Variants in USP20 observed in about 807,000 individuals in gnomAD.
USP20 encodes ubiquitin specific peptidase 20.
A neutral mutation model predicts 124.2 loss-of-function variants in USP20; 80 were observed. The ratio of observed to expected loss-of-function variants is 0.64; its 90% CI spans 0.54 to 0.78. USP20 has a LOEUF of 0.78. USP20 is among the 30% of genes least tolerant of loss of function. USP20 has a pLI of 0.00. For missense variants in USP20, 1,043 were observed against 1,244.4 expected (o/e 0.84, Z 2.44); for synonymous variants, 481 against 512.3 (o/e 0.94, Z 0.83).
rs371883755 is a variant in USP20, at chr9:129,869,357, C to T, written c.1324C>T (p.Arg442Cys). Residue 442 changes from arginine to cysteine, a missense_variant, in exon 13 of 26, where the codon CGC (arginine) becomes TGC (cysteine). By Grantham distance (180) the Arg-to-Cys change is radical (BLOSUM62 -3). Coordinates refer to ENST00000372429, the MANE Select transcript of USP20 (RefSeq NM_001110303.4). The stretch of plus-strand genomic sequence containing the variant: ...CCGGAGGCGGAAGGAGCAGCGCTAC[C>T]GCAGCGTCATCTCAGACATCTTTGA... ...GSRRRKEQRYRSVISDIFDGS... is the reference protein window; with the variant it reads ...GSRRRKEQRYCSVISDIFDGS... The T allele has an allele frequency of 1.2e-5, 20 of 1,613,750 alleles. No homozygotes were observed. The highest frequency in any genetic ancestry group is 2.7e-5 in the African/African-American group (2 of 75,068).
At chr9:129,865,261 C>T (rs1211227289) in intron 9 of USP20, 42 bp from the exon 10 acceptor site, 1 of 1,606,570 alleles carries the variant, frequency 6.2e-7, no homozygotes, top group East Asian at 2.2e-5. Flanking sequence ...ATGAGCAGCT[C>T]AAGGCAGGCT....
chr9:129,866,713 C>A (rs150188236), intron 10 of USP20, among the ~76,000 whole-genome samples: 126 of 152,304 alleles, frequency 8.3e-4, no homozygotes, highest in African/African-American at 2.9e-3. Context: ...ACTGTAGACG[C>A]AGCTGCGGGC....
chr9:129,866,621 C>T (rs932052025), intron 10 of USP20, among the ~76,000 whole-genome samples: 17 of 152,216 alleles, frequency 1.1e-4, no homozygotes, highest in East Asian at 1.9e-4. Flanking sequence ...CCATGCGCTG[C>T]GGCAGGACTC....
At chr9:129,852,331 C>T (rs984178922) in intron 2 of USP20, among the ~76,000 whole-genome samples, 25 of 152,140 alleles carry the variant, frequency 1.6e-4, no homozygotes, top group Non-Finnish European at 2.4e-4. Context: ...ACATTGTCTC[C>T]GTGACCTAGG....
At chr9:129,867,830 A>G (rs912449570) in intron 10 of USP20, among the ~76,000 whole-genome samples, 175 bp from the exon 11 acceptor site, 1 of 152,096 alleles carries the variant, frequency 6.6e-6, no homozygotes, top group African/African-American at 2.4e-5. Flanking sequence ...CCTCAGAAGA[A>G]TGGGGTTAGG....
At chr9:129,867,108 C>G (rs1019931923) in intron 10 of USP20, among the ~76,000 whole-genome samples, 2 of 152,170 alleles carry the variant, frequency 1.3e-5, no homozygotes, top group Non-Finnish European at 2.9e-5. Context: ...CTTCTAACAA[C>G]CAGGTCAGGG....
chr9:129,864,273 G>A (rs1472067206), intron 9 of USP20, among the ~76,000 whole-genome samples: 1 of 150,326 alleles, frequency 6.7e-6, no homozygotes, highest in African/African-American at 2.5e-5. Flanking sequence ...GTTTGAGACC[G>A]GCCTGGACAA....
intron 1 of USP20, among the ~76,000 whole-genome samples, chr9:129,841,014 G>A (rs1005386913): frequency 2.0e-5 from 3 of 152,054 alleles, no homozygotes; most frequent in South Asian, 4.1e-4. Flanking sequence ...CTGGTGATCC[G>A]CCAGCCTCAA....
At position 129,858,568 on chromosome 9, in the gene USP20, G is replaced by T. The variant is rs201578380; in HGVS notation, c.300G>T (p.Leu100=). 2.2e-4 allele frequency: 358 copies of T among 1,614,004 alleles called. No individual in the cohort carries two copies. The highest frequency in any genetic ancestry group is 2.5e-4 in the Non-Finnish European group (296 of 1,180,016). The change falls in exon 6 of 26, where the codon CTG becomes CTT. Residue 100 remains leucine, a synonymous_variant. Coordinates refer to ENST00000372429, the MANE Select transcript of USP20 (RefSeq NM_001110303.4). The part of the protein sequence containing the change: ...VFLEQRLAAP[L]LGSSSKFSEQ... Reference sequence around the variant, plus strand: ...TGGAGCAGCGGCTGGCAGCCCCTCTGCTGGGCTCCTCTTCCAAGTTCTCTG... The same window carrying T: ...TGGAGCAGCGGCTGGCAGCCCCTCTTCTGGGCTCCTCTTCCAAGTTCTCTG...
chr9:129,876,954 G>T (rs1255418007), intron 22 of USP20, among the ~76,000 whole-genome samples: 1 of 152,224 alleles, frequency 6.6e-6, no homozygotes, highest in East Asian at 1.9e-4. Context: ...GTCCCCTGGG[G>T]TGCAGAGTAC....
chr9:129,878,255 CG>C, intron 22 of USP20, 82 bp from the exon 23 acceptor site: 1 of 1,097,704 alleles, frequency 9.1e-7, no homozygotes. Flanking sequence ...GGGACTGGGG[CG>C]GGGGCATTTG....
intron 1 of USP20, among the ~76,000 whole-genome samples, chr9:129,836,782 C>A (rs997200601): frequency 6.6e-5 from 10 of 152,220 alleles, no homozygotes; most frequent in Non-Finnish European, 1.3e-4. Context: ...CCTCTGCAGA[C>A]TGGTTCAGCC....
At position 129,879,599 on chromosome 9, in the gene USP20, A is replaced by G. The variant is rs2034555728; in HGVS notation, c.2539A>G (p.Arg847Gly). Reference sequence around the variant, plus strand: ...GCCCCCCGGGCCCATTGACAACAGCAGGATTGCACAGGTCAAAGGAAGCGG... The same window carrying G: ...GCCCCCCGGGCCCATTGACAACAGCGGGATTGCACAGGTCAAAGGAAGCGG... ...NEPPGPIDNS[R>G]IAQVKGSGHV... The change falls in exon 24 of 26, where the codon AGG (arginine) becomes GGG (glycine). Residue 847 changes from arginine to glycine, a missense_variant. Transcript: ENST00000372429. The surrounding 1 kb of genome is among the most constrained non-coding windows in gnomAD (Gnocchi z 4.2). 4.3e-6 allele frequency: 7 copies of G among 1,613,786 alleles called. No individual in the cohort carries two copies. The East Asian group carries it at 1.1e-4, about 26-fold the overall frequency.
chr9:129,844,819 TA>T (rs145084485), intron 1 of USP20, among the ~76,000 whole-genome samples: 19,762 of 151,876 alleles, frequency 0.13, 1,769 homozygotes, highest in African/African-American at 0.25. Flanking sequence ...AAAATGCCTT[TA>T]AAATTTTCAG....
chr9:129,861,565 C>A lies in USP20; in HGVS notation c.450C>A (p.Leu150=). 1 of 1,614,114 alleles carries A rather than the reference C, an allele frequency of 6.2e-7. No homozygotes were observed. The highest frequency in any genetic ancestry group is 8.5e-7 in the Non-Finnish European group (1 of 1,180,012). Residue 150 remains leucine (L), a synonymous_variant, in exon 8 of 26, where the codon CTC becomes CTA. Coordinates refer to ENST00000372429, the MANE Select transcript of USP20 (RefSeq NM_001110303.4). ...KPRGLTGMKN[L]GNSCYMNAAL... ...CAGGCCTCACGGGCATGAAGAACCT[C>A]GGGAACTCCTGCTACATGAACGCTG...
chr9:129,855,825 G>A (rs1419632546), intron 3 of USP20, among the ~76,000 whole-genome samples: 4 of 152,118 alleles, frequency 2.6e-5, no homozygotes, highest in Admixed American at 2.0e-4. Flanking sequence ...AAACCTGGGC[G>A]TTTCCTGGGG....
chr9:129,866,220 T>A (rs2033813937), intron 10 of USP20, among the ~76,000 whole-genome samples: 1 of 33,538 alleles, frequency 3.0e-5, no homozygotes, highest in South Asian at 1.5e-3. Context: ...GGGGACAACT[T>A]CCGCCCTCTA....
chr9:129,838,757 G>A (rs528277695), intron 1 of USP20, among the ~76,000 whole-genome samples: 48 of 152,254 alleles, frequency 3.2e-4, no homozygotes, highest in Middle Eastern at 3.4e-3. Context: ...TCTGAGCTTC[G>A]AGACTGAGTT....
intron 3 of USP20, 41 bp downstream of exon 3, chr9:129,852,677 GGCT>G (rs1192031951): frequency 1.3e-6 from 2 of 1,549,896 alleles, no homozygotes; most frequent in South Asian, 2.4e-5. Flanking sequence ...CCACACCCAG[GGCT>G]GCCTCTTTCC....
Sources: allele counts gnomAD v4.1 joint callset (sites outside exome capture counted in the v4.1 genomes callset), GRCh38; gene constraint gnomAD v4.1.1; non-coding constraint Gnocchi (gnomAD v3.1); transcripts MANE v1.5; gene names NCBI Gene and HGNC (gene_info 2026-07-23, HGNC 2026-07-21).